EBF4: variants seen among roughly 807,000 people sequenced by gnomAD.
EBF4 encodes EBF transcription factor 4, also known as transcription factor COE4.
A neutral mutation model predicts 67.1 loss-of-function variants in EBF4; 34 were observed. That is an observed-to-expected ratio of 0.51 (90% CI 0.39 to 0.67). The LOEUF is 0.67. EBF4 is among the 30% of genes least tolerant of loss of function. The pLI, the probability that EBF4 is intolerant of heterozygous loss-of-function variation, is 0.00. For missense variants in EBF4, 837 were observed against 873.3 expected, an observed-to-expected ratio of 0.96 and a Z score of 0.52; for synonymous variants, 387 against 377.7, an observed-to-expected ratio of 1.02 and a Z score of -0.29.
chr20:2,695,439 G>C (rs1487622204), intron 1 of EBF4, among the ~76,000 whole-genome samples: 9 of 152,186 alleles, frequency 5.9e-5, no homozygotes, highest in South Asian at 2.1e-4. Flanking sequence ...GAGTGGGCTT[G>C]GGGTGTCCAG....
intron 6 of EBF4, among the ~76,000 whole-genome samples, chr20:2,710,239 C>G: frequency 6.6e-6 from 1 of 152,188 alleles, no homozygotes; most frequent in East Asian, 1.9e-4. Flanking sequence ...GCCTCAATCT[C>G]CGAGGTTCCG....
At position 2,696,758 on chromosome 20, in the gene EBF4, G is replaced by A. The variant is rs907497517; in HGVS notation, c.137+2976G>A. Among the ~76,000 whole-genome samples, 6 of 152,080 alleles carry A rather than the reference G, an allele frequency of 3.9e-5. No homozygotes were observed. The highest frequency in any genetic ancestry group is 3.9e-4 in the East Asian group (2 of 5,186). On this transcript the variant is annotated intron_variant, in intron 1 of 16. Transcript: ENST00000609451. The surrounding 1 kb of genome is among the most constrained non-coding windows in gnomAD (Gnocchi z 4.7). ...CTCAGGACTCCCTCTTACACCCACCGACCCCAGCAACTGCTCTTTCTGTGC... is the reference window on the plus strand; with the variant it reads ...CTCAGGACTCCCTCTTACACCCACCAACCCCAGCAACTGCTCTTTCTGTGC...
chr20:2,723,325 A>G (rs2087705887), intron 6 of EBF4, among the ~76,000 whole-genome samples: 1 of 151,826 alleles, frequency 6.6e-6, no homozygotes, highest in Non-Finnish European at 1.5e-5. Context: ...TTATGTTTAG[A>G]TGTTTGTCTT....
At chr20:2,704,559 G>A (rs1183085742) in intron 1 of EBF4, among the ~76,000 whole-genome samples, 4 of 152,148 alleles carry the variant, frequency 2.6e-5, no homozygotes, top group Admixed American at 2.6e-4. Context: ...TGTTTATTCT[G>A]CCCTTTTTCT....
intron 6 of EBF4, 141 bp downstream of exon 6, chr20:2,709,783 G>A (rs2087515420): frequency 1.2e-6 from 1 of 859,768 alleles, no homozygotes; most frequent in Non-Finnish European, 1.6e-6. Flanking sequence ...TGAGCAGAGA[G>A]GGAAACTGCC....
At chr20:2,706,391 C>T (rs373289670) in intron 4 of EBF4, 127 bp downstream of exon 4, 2 of 1,114,152 alleles carry the variant, frequency 1.8e-6, no homozygotes, top group Non-Finnish European at 2.6e-6. Flanking sequence ...ATCAGCCTAG[C>T]TCCCCCAGTT....
At chr20:2,715,897 C>T (rs1446146322) in intron 6 of EBF4, among the ~76,000 whole-genome samples, 3 of 151,928 alleles carry the variant, frequency 2.0e-5, no homozygotes, top group East Asian at 1.9e-4. Flanking sequence ...TACAGGCGCA[C>T]GCCATCACAC....
rs1327240950 is a variant in EBF4, at chr20:2,707,297, G to C, written c.415-650G>C. Among the ~76,000 whole-genome samples, 1 of 152,192 alleles carries C rather than the reference G, an allele frequency of 6.6e-6. No homozygotes were observed. Among genetic ancestry groups the C allele is most frequent in the Non-Finnish European group, 1.5e-5 (1 of 68,030 alleles). Reference sequence around the variant, plus strand: ...GATCCCACAAATGGGGGAAGGCACAGAGGGTTATAAACTAGGAAGGCAGAT... The same window carrying C: ...GATCCCACAAATGGGGGAAGGCACACAGGGTTATAAACTAGGAAGGCAGAT... On this transcript the variant is annotated intron_variant, in intron 4 of 16. Transcript: ENST00000609451. This position sits in a 1 kb window ranked among gnomAD's most constrained non-coding sequence, Gnocchi z 4.6.
Position 2,693,918 on chromosome 20 carries a change from C to A in EBF4, c.137+136C>A. Reference sequence around the variant, plus strand: ...CGGTCCCGGCGAGCTCCCCGGCCCACCCCGTCCGGAGTGCCTGTGCTGCCT... The same window carrying A: ...CGGTCCCGGCGAGCTCCCCGGCCCAACCCGTCCGGAGTGCCTGTGCTGCCT... On this transcript the variant is annotated intron_variant, in intron 1 of 16. Transcript: ENST00000609451. This position sits in a 1 kb window ranked among gnomAD's most constrained non-coding sequence, Gnocchi z 4.6. 1.7e-6 allele frequency: 2 copies of A among 1,167,222 alleles called. No individual in the cohort carries two copies. Among genetic ancestry groups the A allele is most frequent in the Non-Finnish European group, 2.2e-6 (2 of 927,342 alleles). 72.3% of individuals were successfully genotyped at this position (1,167,222 alleles called of 1,614,324 possible).
At position 2,739,558 on chromosome 20, in the gene EBF4, G is replaced by A. The variant is rs138998316; in HGVS notation, c.558-8991G>A. ...TTTCCTTAAGATTTTATACAATGCC[G>A]CAGTGCCTAACACATAGAAGGTATT... On this transcript the variant is annotated intron_variant, in intron 6 of 16. Transcript: ENST00000609451. This position sits in a 1 kb window ranked among gnomAD's most constrained non-coding sequence, Gnocchi z 4.5. 2.8e-4 allele frequency among the ~76,000 whole-genome samples: 43 copies of A among 152,222 alleles called. No individual in the cohort carries two copies. Among genetic ancestry groups the A allele is most frequent in the African/African-American group, 8.9e-4 (37 of 41,526 alleles).
chr20:2,759,941 T>C (rs1010268454), downstream of EBF4: 5 of 152,300 alleles, frequency 3.3e-5, no homozygotes, highest in Admixed American at 3.3e-4. Context: ...GGATGTCTCA[T>C]GGACTCTGGC....
chr20:2,711,784 A>G (rs1402452203), intron 6 of EBF4, among the ~76,000 whole-genome samples: 1 of 152,210 alleles, frequency 6.6e-6, no homozygotes, highest in Non-Finnish European at 1.5e-5. Flanking sequence ...AAAAATACAT[A>G]GCATGTTAGA....
chr20:2,727,086 A>G (rs1426312705), intron 6 of EBF4, among the ~76,000 whole-genome samples: 1 of 152,162 alleles, frequency 6.6e-6, no homozygotes, highest in Non-Finnish European at 1.5e-5. Context: ...AGGTTCATTC[A>G]TGTAACATGT....
chr20:2,706,252 C>T (rs2087456785), exon 4 of EBF4: 1 of 1,552,196 alleles, frequency 6.4e-7, no homozygotes, highest in African/African-American at 1.4e-5. Context: ...TCATCGACTC[C>T]ATGTCCAAAC....
intron 1 of EBF4, among the ~76,000 whole-genome samples, chr20:2,703,275 A>T (rs2087402731): frequency 7.1e-6 from 1 of 140,132 alleles, no homozygotes; most frequent in South Asian, 2.4e-4. Flanking sequence ...AAAAAAAAAA[A>T]AAAAGTTACT....
chr20:2,704,364 G>A (rs2087421420), intron 1 of EBF4, among the ~76,000 whole-genome samples: 1 of 152,186 alleles, frequency 6.6e-6, no homozygotes, highest in Non-Finnish European at 1.5e-5. Context: ...CTGGAGCCAT[G>A]AGAGATCTAA....
chr20:2,737,207 GC>G (rs1443543829), intron 6 of EBF4, among the ~76,000 whole-genome samples: 2 of 146,462 alleles, frequency 1.4e-5, no homozygotes, highest in Admixed American at 7.0e-5. Flanking sequence ...CCGAGATCGC[GC>G]CACTGCACTC....
At chr20:2,698,381 A>G (rs369878554) in intron 1 of EBF4, among the ~76,000 whole-genome samples, 1 of 152,346 alleles carries the variant, frequency 6.6e-6, no homozygotes, top group Admixed American at 6.5e-5. Flanking sequence ...CCACTGGGCT[A>G]CTGCTTTTAT....
intron 6 of EBF4, among the ~76,000 whole-genome samples, chr20:2,716,575 T>A (rs2146412510): frequency 6.6e-6 from 1 of 151,938 alleles, no homozygotes; most frequent in East Asian, 1.9e-4. Context: ...GTCATGAAGA[T>A]ATTCTTCTAT....
Sources: gnomAD v4.1 joint callset for allele counts (sites outside exome capture counted in the v4.1 genomes callset) on GRCh38, gnomAD v4.1.1 for gene constraint, Gnocchi (gnomAD v3.1) non-coding constraint, MANE v1.5 for transcripts, NCBI Gene and HGNC (gene_info 2026-07-23, HGNC 2026-07-21) for gene names.